Variants in RPTOR observed in about 807,000 individuals in gnomAD.
RPTOR encodes the protein regulatory-associated protein of mTOR.
RPTOR carries 21 observed loss-of-function variants against 169.9 expected under a neutral mutation model. The observed-to-expected ratio is 0.12, with a 90% CI of 0.09 to 0.18. The LOEUF (loss-of-function observed/expected upper bound fraction) is 0.18, where lower values mean the gene tolerates loss of function less well. Ranked by LOEUF, RPTOR falls within the 10% of genes least tolerant of loss-of-function variation. The pLI, the probability that RPTOR is intolerant of heterozygous loss-of-function variation, is 1.00. For missense variants in RPTOR, 1,133 were observed against 1,855.9 expected, an observed-to-expected ratio of 0.61 and a Z score of 7.16; for synonymous variants, 732 against 753.2, an observed-to-expected ratio of 0.97 and a Z score of 0.46.
chr17:80,858,016 C>A, intron 13 of RPTOR, 116 bp downstream of exon 13: 1 of 804,710 alleles, frequency 1.2e-6, no homozygotes, highest in East Asian at 2.6e-5. Flanking sequence ...CTCCAGGCAC[C>A]GCCGTTCCCT....
chr17:80,696,784 G>T (rs1337234259), intron 3 of RPTOR, among the ~76,000 whole-genome samples: 2 of 152,192 alleles, frequency 1.3e-5, no homozygotes, highest in African/African-American at 4.8e-5. Context: ...CACCAATACA[G>T]GAGCAAACTC....
At chr17:80,632,621 G>A (rs530853663) in intron 2 of RPTOR, among the ~76,000 whole-genome samples, 23 of 152,114 alleles carry the variant, frequency 1.5e-4, no homozygotes, top group African/African-American at 5.5e-4. Context: ...AGTTTAGGAG[G>A]GCATGTGCTT....
chr17:80,807,703 G>C (rs2067233559), intron 7 of RPTOR, among the ~76,000 whole-genome samples: 1 of 151,598 alleles, frequency 6.6e-6, no homozygotes, highest in Non-Finnish European at 1.5e-5. Flanking sequence ...ACCATCTTTT[G>C]AGTTGATTTA....
At chr17:80,785,164 G>C (rs540789152) in intron 6 of RPTOR, among the ~76,000 whole-genome samples, 2 of 152,220 alleles carry the variant, frequency 1.3e-5, no homozygotes, top group African/African-American at 4.8e-5. Context: ...GTAAATTCTA[G>C]AGACTTCACG....
rs1375100932 is a variant in RPTOR at position 80,559,372 on chromosome 17, C to T, written c.162+13581C>T. On this transcript the variant is annotated intron_variant, in intron 1 of 33. Coordinates refer to ENST00000306801, the MANE Select transcript of RPTOR (RefSeq NM_020761.3). ...CTCCTGACTGATGCTGCCCTTTTGC[C>T]ATACCTGTTTGGGAGCACGTCCTGA... Among the ~76,000 whole-genome samples the T allele has an allele frequency of 2.6e-5, 4 of 152,178 alleles. 1 individual carries two copies. The East Asian group carries it at 7.7e-4, about 29-fold the overall frequency.
chr17:80,634,955 C>T (rs138511992), intron 2 of RPTOR, among the ~76,000 whole-genome samples: 345 of 152,282 alleles, frequency 2.3e-3, no homozygotes, highest in Admixed American at 4.5e-3. Context: ...TGTGCGTGTG[C>T]TTCTCTCTGT....
intron 2 of RPTOR, among the ~76,000 whole-genome samples, chr17:80,634,180 T>C (rs904570670): frequency 2.8e-5 from 4 of 143,396 alleles, no homozygotes; most frequent in East Asian, 2.2e-4. Context: ...ACTGTGTGTG[T>C]GCGCATACTG....
chr17:80,744,875 G>T (rs74466951), intron 5 of RPTOR, among the ~76,000 whole-genome samples: 1,014 of 8,340 alleles, frequency 0.12, 74 homozygotes, highest in East Asian at 0.28. Context: ...TCCTGGTTAC[G>T]AGCACAGCCC....
chr17:80,628,189 A>T (rs2065411020), intron 2 of RPTOR, among the ~76,000 whole-genome samples: 1 of 152,104 alleles, frequency 6.6e-6, no homozygotes, highest in Non-Finnish European at 1.5e-5. Context: ...TTTTTTAAAG[A>T]TCTTTAAAAA....
At chr17:80,664,437 G>A (rs1009612811) in intron 3 of RPTOR, among the ~76,000 whole-genome samples, 2 of 151,870 alleles carry the variant, frequency 1.3e-5, no homozygotes, top group Admixed American at 6.6e-5. Context: ...TCTCCTCCTC[G>A]ATGGCCTACC....
intron 2 of RPTOR, among the ~76,000 whole-genome samples, chr17:80,637,326 G>A (rs929581751): frequency 1.3e-5 from 2 of 152,242 alleles, no homozygotes; most frequent in African/African-American, 4.8e-5. Flanking sequence ...TGTGGAGTCA[G>A]CTCGTGAGAA....
At chr17:80,735,738 A>G (rs558968346) in intron 5 of RPTOR, among the ~76,000 whole-genome samples, 1 of 152,288 alleles carries the variant, frequency 6.6e-6, no homozygotes, top group East Asian at 1.9e-4. Flanking sequence ...CCACTGCCCC[A>G]GTAAGTCTTG....
chr17:80,724,269 A>G (rs1598257849), intron 4 of RPTOR, among the ~76,000 whole-genome samples: 1 of 151,286 alleles, frequency 6.6e-6, no homozygotes, highest in Non-Finnish European at 1.5e-5. Context: ...AAGCCAGGCC[A>G]TGTCCTGAGA....
chr17:80,929,417 T>A (rs1365993639), intron 24 of RPTOR, among the ~76,000 whole-genome samples: 7 of 152,170 alleles, frequency 4.6e-5, no homozygotes, highest in Non-Finnish European at 7.3e-5. Flanking sequence ...TGATTTGAAT[T>A]TTTTAGAAAG....
rs1279422937 is a variant in RPTOR at position 80,940,534 on chromosome 17, G to T, written c.2958G>T (p.Lys986Asn). The change falls in exon 25 of 34, where the codon AAG (lysine) becomes AAT (asparagine). Residue 986 changes from lysine (K) to asparagine (N), a missense_variant. By Grantham distance (94) the Lys-to-Asn change is moderately conservative. Transcript: ENST00000306801. ...ACGACCTGGAGAGTCAGATCCGCAA[G>T]GAGCGGGAGTGGCGGTTCCTGCGAA... The part of the protein sequence containing the change: ...EEHDLESQIR[K>N]EREWRFLRNS... 3 of 1,613,940 alleles carry T rather than the reference G, an allele frequency of 1.9e-6. No homozygotes were observed. Among genetic ancestry groups the T allele is most frequent in the Admixed American group, 3.3e-5 (2 of 60,010 alleles).
chr17:80,865,878 C>G (rs1272431995), intron 13 of RPTOR, among the ~76,000 whole-genome samples: 1 of 152,060 alleles, frequency 6.6e-6, no homozygotes, highest in East Asian at 1.9e-4. Flanking sequence ...TAGGCCCGAC[C>G]CTTGGCCAAA....
intron 12 of RPTOR, among the ~76,000 whole-genome samples, 200 bp from the exon 13 acceptor site, chr17:80,857,590 A>G (rs775955333): frequency 6.6e-6 from 1 of 152,220 alleles, no homozygotes; most frequent in Non-Finnish European, 1.5e-5. Flanking sequence ...GGCTGGCAGT[A>G]TGTGGCAGCT....
intron 4 of RPTOR, among the ~76,000 whole-genome samples, chr17:80,724,999 T>G (rs1378151745): frequency 6.6e-6 from 1 of 152,248 alleles, no homozygotes; most frequent in Non-Finnish European, 1.5e-5. Context: ...TGTACTCATC[T>G]GTTTGGTATG....
intron 1 of RPTOR, among the ~76,000 whole-genome samples, chr17:80,571,544 C>T (rs2064905910): frequency 6.6e-6 from 1 of 152,088 alleles, no homozygotes; most frequent in South Asian, 2.1e-4. Flanking sequence ...CTTTTGAGAT[C>T]GGGTCTCATT....
Sources: gnomAD v4.1 joint callset for allele counts (sites outside exome capture counted in the v4.1 genomes callset) on GRCh38, gnomAD v4.1.1 for gene constraint, MANE v1.5 for transcripts, NCBI Gene and HGNC (gene_info 2026-07-23, HGNC 2026-07-21) for gene names.